Variants in SGCZ observed in about 807,000 individuals in gnomAD.
SGCZ encodes the protein sarcoglycan zeta, also known as zeta-sarcoglycan.
Under a neutral mutation model 41.3 loss-of-function variants are expected in SGCZ, and 40 were observed. That is an observed-to-expected ratio of 0.97 (90% CI 0.75 to 1.26). The LOEUF (loss-of-function observed/expected upper bound fraction) is 1.26. Ranked by LOEUF, SGCZ falls within the 50% of genes most tolerant of loss-of-function variation. The pLI, the probability that SGCZ is intolerant of heterozygous loss-of-function variation, is 0.00. For missense variants in SGCZ, 552 were observed against 369.8 expected (o/e 1.49, Z -4.04); for synonymous variants, 206 against 137.5 (o/e 1.50, Z -3.49).
intron 1 of SGCZ, among the ~76,000 whole-genome samples, chr8:14,815,617 A>C (rs1563289042): frequency 6.6e-6 from 1 of 152,212 alleles, no homozygotes; most frequent in Non-Finnish European, 1.5e-5. Flanking sequence ...CAGAGTATGT[A>C]TAGAAATATG....
intron 1 of SGCZ, among the ~76,000 whole-genome samples, chr8:14,596,962 C>A (rs1805432366): frequency 2.0e-5 from 3 of 152,034 alleles, no homozygotes; most frequent in African/African-American, 7.2e-5. Context: ...TGTCATCAAC[C>A]TTTGGGGAAC....
At chr8:14,323,003 C>T (rs1162237442) in intron 3 of SGCZ, among the ~76,000 whole-genome samples, 1 of 152,074 alleles carries the variant, frequency 6.6e-6, no homozygotes, top group Non-Finnish European at 1.5e-5. Context: ...ATTCATACAT[C>T]TGTCTACTGT....
At chr8:14,796,007 G>C (rs190873182) in intron 1 of SGCZ, among the ~76,000 whole-genome samples, 1 of 152,188 alleles carries the variant, frequency 6.6e-6, no homozygotes, top group East Asian at 1.9e-4. Context: ...ACAAGATCTT[G>C]TTCTTTTTAT....
chr8:14,863,807 A>G lies in SGCZ; in HGVS notation c.40-308881T>C, dbSNP rs904430990. ...ATGAAATTATCCACATCATGTGAAG[A>G]CTGGGTTGTAAATGCTGGAAATACA... On this transcript the variant is annotated intron_variant, in intron 1 of 7. Coordinates refer to ENST00000382080, the MANE Select transcript of SGCZ (RefSeq NM_139167.4). Among the ~76,000 whole-genome samples, 4 of 152,244 alleles carry G rather than the reference A, an allele frequency of 2.6e-5. No homozygotes were observed. In the South Asian group the frequency reaches 8.3e-4, roughly 32 times the overall value.
chr8:14,457,848 G>A (rs577602097), intron 2 of SGCZ, among the ~76,000 whole-genome samples: 123 of 152,116 alleles, frequency 8.1e-4, no homozygotes, highest in African/African-American at 1.2e-3. Context: ...AAATAACAGC[G>A]CAGCCAGACA....
intron 1 of SGCZ, among the ~76,000 whole-genome samples, chr8:14,807,696 C>G (rs564392708): frequency 0.028 from 4,296 of 151,854 alleles, 70 homozygotes; most frequent in Non-Finnish European, 0.046. Flanking sequence ...CATCAAGCTA[C>G]CAATGCCTTT....
chr8:14,632,194 A>AT (rs903641257), intron 1 of SGCZ, among the ~76,000 whole-genome samples: 51 of 150,732 alleles, frequency 3.4e-4, no homozygotes, highest in Middle Eastern at 3.4e-3. Flanking sequence ...AATTTTTAAG[A>AT]TTTTTTTTTA....
intron 1 of SGCZ, among the ~76,000 whole-genome samples, chr8:15,232,928 G>A (rs923816307): frequency 2.0e-5 from 3 of 151,414 alleles, no homozygotes; most frequent in African/African-American, 4.8e-5. Flanking sequence ...TAGATGTATA[G>A]TAACATCACA....
chr8:14,454,644 A>G (rs1181926194), intron 2 of SGCZ, among the ~76,000 whole-genome samples: 1 of 152,166 alleles, frequency 6.6e-6, no homozygotes, highest in Non-Finnish European at 1.5e-5. Context: ...GGTAAAAACA[A>G]ATCAATTTGT....
intron 1 of SGCZ, among the ~76,000 whole-genome samples, chr8:14,848,655 G>A (rs1245183179): frequency 6.6e-6 from 1 of 152,156 alleles, no homozygotes; most frequent in African/African-American, 2.4e-5. Context: ...TATGTAAGAA[G>A]TAAGCTTTGA....
intron 2 of SGCZ, among the ~76,000 whole-genome samples, chr8:14,343,462 A>G (rs1802780546): frequency 6.6e-6 from 1 of 152,208 alleles, no homozygotes; most frequent in Admixed American, 6.5e-5. Context: ...AAGAGAGATG[A>G]AGAGAGTTAT....
At position 14,614,995 on chromosome 8, in the gene SGCZ, T is replaced by C. The variant is rs537448622; in HGVS notation, c.40-60069A>G. On this transcript the variant is annotated intron_variant, in intron 1 of 7. Coordinates refer to ENST00000382080, the MANE Select transcript of SGCZ (RefSeq NM_139167.4). ...ACATGTACACACATATGTGTGTGTATATATGTGTGTGTGTGTGTATATATA... is the reference window on the plus strand; with the variant it reads ...ACATGTACACACATATGTGTGTGTACATATGTGTGTGTGTGTGTATATATA... Among the ~76,000 whole-genome samples the C allele has an allele frequency of 2.6e-5, 3 of 114,892 alleles. No homozygotes were observed. In the East Asian group the frequency reaches 1.1e-3, roughly 43 times the overall value. 75.4% of individuals were successfully genotyped at this position (114,892 alleles called of 152,430 possible). A position where few individuals can be genotyped will look rare whatever the true frequency, so the allele number is the denominator to read the frequency against.
chr8:14,231,382 A>G (rs536764053), intron 4 of SGCZ, among the ~76,000 whole-genome samples: 18 of 151,966 alleles, frequency 1.2e-4, no homozygotes, highest in Non-Finnish European at 2.5e-4. Flanking sequence ...GAATTTCATC[A>G]ATATCAATTT....
intron 1 of SGCZ, among the ~76,000 whole-genome samples, chr8:14,862,878 G>A (rs1281792976): frequency 6.6e-6 from 1 of 151,786 alleles, no homozygotes; most frequent in Admixed American, 6.6e-5. Flanking sequence ...AGCCACTAGA[G>A]GAAATTCAAA....
intron 3 of SGCZ, among the ~76,000 whole-genome samples, chr8:14,250,304 T>G (rs1045515606): frequency 1.3e-5 from 2 of 152,176 alleles, no homozygotes; most frequent in African/African-American, 4.8e-5. Context: ...ATGTTAAACC[T>G]ACAAATCTAT....
intron 4 of SGCZ, among the ~76,000 whole-genome samples, chr8:14,210,429 T>G (rs1563187602): frequency 1.3e-5 from 2 of 151,728 alleles, no homozygotes; most frequent in East Asian, 3.9e-4. Flanking sequence ...AATTGTTCCC[T>G]TTCTAGTACA....
chr8:14,285,120 A>G (rs73523336), intron 3 of SGCZ, among the ~76,000 whole-genome samples: 6,206 of 152,038 alleles, frequency 0.041, 394 homozygotes, highest in African/African-American at 0.14. Context: ...TTAAATCTCA[A>G]CTTTGCCTGG....
chr8:14,528,223 G>C (rs1803013096), intron 2 of SGCZ, among the ~76,000 whole-genome samples: 1 of 152,068 alleles, frequency 6.6e-6, no homozygotes, highest in Non-Finnish European at 1.5e-5. Flanking sequence ...TGTAAATGCA[G>C]AATCTTCTCA....
At chr8:15,035,004 C>G (rs1803821981) in intron 1 of SGCZ, among the ~76,000 whole-genome samples, 1 of 152,008 alleles carries the variant, frequency 6.6e-6, no homozygotes, top group African/African-American at 2.4e-5. Context: ...GTAATGAAAA[C>G]ACCTGAAAGT....
Sources: gnomAD v4.1 joint callset for allele counts (sites outside exome capture counted in the v4.1 genomes callset) on GRCh38, gnomAD v4.1.1 for gene constraint, MANE v1.5 for transcripts, NCBI Gene and HGNC (gene_info 2026-07-23, HGNC 2026-07-21) for gene names.